The following GRM5 variants were observed in gnomAD, a reference collection of about 807,000 sequenced individuals.
The protein encoded by GRM5 is metabotropic glutamate receptor 5.
GRM5 carries 19 observed loss-of-function variants against 83.1 expected under a neutral mutation model. That is an observed-to-expected ratio of 0.23 (90% CI 0.16 to 0.34). The LOEUF (loss-of-function observed/expected upper bound fraction) is 0.34. Ranked by LOEUF, GRM5 falls within the 10% of genes least tolerant of loss-of-function variation. The pLI is 1.00. For missense variants in GRM5, 1,160 were observed against 1,588.3 expected (o/e 0.73, Z 4.58); for synonymous variants, 675 against 633.6 (o/e 1.07, Z -0.98).
chr11:89,033,449 A>G (rs1056452782), intron 2 of GRM5, among the ~76,000 whole-genome samples: 2 of 151,980 alleles, frequency 1.3e-5, no homozygotes, highest in African/African-American at 4.8e-5. Context: ...TCATTTGCCT[A>G]TGATTAGAAA....
At chr11:88,580,652 G>C (rs1457677925) in intron 7 of GRM5, among the ~76,000 whole-genome samples, 2 of 152,156 alleles carry the variant, frequency 1.3e-5, no homozygotes, top group African/African-American at 2.4e-5. Flanking sequence ...GGATTTCCAA[G>C]TCACCATTAA....
intron 3 of GRM5, among the ~76,000 whole-genome samples, chr11:88,653,879 C>T (rs1939699781): frequency 6.6e-6 from 1 of 152,008 alleles, no homozygotes; most frequent in Non-Finnish European, 1.5e-5. Context: ...TGTGACACAA[C>T]ATTTTTGATC....
At chr11:88,681,449 C>A (rs781311628) in intron 3 of GRM5, among the ~76,000 whole-genome samples, 1 of 150,822 alleles carries the variant, frequency 6.6e-6, no homozygotes. Context: ...CTTCTCTTAG[C>A]TTTTGTATCC....
At chr11:88,609,067 A>C (rs1400446996) in intron 4 of GRM5, among the ~76,000 whole-genome samples, 1 of 151,940 alleles carries the variant, frequency 6.6e-6, no homozygotes, top group Non-Finnish European at 1.5e-5. Flanking sequence ...GTTGCTGAGG[A>C]TTGGTGTATA....
At chr11:88,674,794 C>T (rs1164602643) in intron 3 of GRM5, among the ~76,000 whole-genome samples, 1 of 151,810 alleles carries the variant, frequency 6.6e-6, no homozygotes, top group Non-Finnish European at 1.5e-5. Context: ...CTACTGTTCT[C>T]CCTTTGCTGT....
At chr11:88,731,519 A>C (rs150665910) in intron 3 of GRM5, among the ~76,000 whole-genome samples, 1 of 152,192 alleles carries the variant, frequency 6.6e-6, no homozygotes, top group East Asian at 1.9e-4. Flanking sequence ...ACAAATGTTT[A>C]ATGGAAGAAA....
chr11:88,659,911 A>T (rs1939860956), intron 3 of GRM5, among the ~76,000 whole-genome samples: 1 of 152,234 alleles, frequency 6.6e-6, no homozygotes, highest in South Asian at 2.1e-4. Flanking sequence ...TTTCCTATCC[A>T]TATATGTTAT....
At chr11:89,022,516 G>A (rs1193243441) in intron 2 of GRM5, among the ~76,000 whole-genome samples, 1 of 150,846 alleles carries the variant, frequency 6.6e-6, no homozygotes, top group East Asian at 2.0e-4. Context: ...GACAGACGTT[G>A]TGGCACATGC....
At chr11:88,837,977 T>C (rs1017602736) in intron 3 of GRM5, among the ~76,000 whole-genome samples, 1 of 142,486 alleles carries the variant, frequency 7.0e-6, no homozygotes, top group African/African-American at 2.6e-5. Flanking sequence ...CCCAGCTACT[T>C]GGGAGGCTGA....
chr11:88,778,584 G>A (rs1942909314), intron 3 of GRM5, among the ~76,000 whole-genome samples: 1 of 152,094 alleles, frequency 6.6e-6, no homozygotes, highest in African/African-American at 2.4e-5. Context: ...TGGCCATCTT[G>A]GAATGCCCAC....
intron 2 of GRM5, among the ~76,000 whole-genome samples, chr11:88,899,358 A>T (rs1945282381): frequency 6.6e-6 from 1 of 151,800 alleles, no homozygotes; most frequent in Non-Finnish European, 1.5e-5. Flanking sequence ...AGAGTAATAT[A>T]ACCATTTTAA....
chr11:88,628,736 CA>C (rs1303232855), intron 4 of GRM5, among the ~76,000 whole-genome samples: 1 of 152,128 alleles, frequency 6.6e-6, no homozygotes, highest in Non-Finnish European at 1.5e-5. Flanking sequence ...GCTGCTATGA[CA>C]ACAGACTCAA....
At chr11:88,640,621 A>C (rs1386038022) in intron 4 of GRM5, among the ~76,000 whole-genome samples, 2 of 152,218 alleles carry the variant, frequency 1.3e-5, no homozygotes, top group Non-Finnish European at 2.9e-5. Context: ...GGCCTCCAGA[A>C]ATTGTGACCA....
intron 3 of GRM5, among the ~76,000 whole-genome samples, chr11:88,666,063 A>T (rs1240497899): frequency 1.3e-5 from 2 of 152,190 alleles, no homozygotes; most frequent in Admixed American, 6.5e-5. Flanking sequence ...TGAAGCAGAT[A>T]TTATTTCCTC....
chr11:88,837,691 C>T (rs1343593854), intron 3 of GRM5, among the ~76,000 whole-genome samples: 1 of 152,086 alleles, frequency 6.6e-6, no homozygotes, highest in Non-Finnish European at 1.5e-5. Flanking sequence ...ATCAAAAGCC[C>T]CTGTTCATTT....
chr11:89,001,139 T>C (rs1242953211), intron 2 of GRM5, among the ~76,000 whole-genome samples: 1 of 151,720 alleles, frequency 6.6e-6, no homozygotes, highest in Non-Finnish European at 1.5e-5. Context: ...CAGGAGACAA[T>C]GTTAAGGTTT....
At chr11:88,678,592 C>A (rs186238305) in intron 3 of GRM5, among the ~76,000 whole-genome samples, 1 of 152,002 alleles carries the variant, frequency 6.6e-6, no homozygotes, top group Non-Finnish European at 1.5e-5. Flanking sequence ...AGTCATTGAA[C>A]TCAGGTACAA....
chr11:88,533,107 A>G (rs1452011729), intron 8 of GRM5, among the ~76,000 whole-genome samples: 1 of 152,210 alleles, frequency 6.6e-6, no homozygotes, highest in Non-Finnish European at 1.5e-5. Context: ...CATATCATTC[A>G]TCTGCTCAAA....
chr11:89,008,475 C>A (rs1446983128), intron 2 of GRM5, among the ~76,000 whole-genome samples: 1 of 152,050 alleles, frequency 6.6e-6, no homozygotes, highest in Non-Finnish European at 1.5e-5. Flanking sequence ...TGTTATTCTT[C>A]ATGGCTATGT....
Sources: allele counts gnomAD v4.1 joint callset (sites outside exome capture counted in the v4.1 genomes callset), GRCh38; gene constraint gnomAD v4.1.1; transcripts MANE v1.5; gene names NCBI Gene and HGNC (gene_info 2026-07-23, HGNC 2026-07-21).